NTM: variants seen among roughly 807,000 people sequenced by gnomAD.
The protein encoded by NTM is neurotrimin, also known as IgLON family member 2.
NTM carries 13 observed loss-of-function variants against 42.1 expected under a neutral mutation model. The ratio of observed to expected loss-of-function variants is 0.31; its 90% confidence interval spans 0.20 to 0.49. The LOEUF (loss-of-function observed/expected upper bound fraction) is 0.49, where lower values mean the gene tolerates loss of function less well. Ranked by LOEUF, NTM falls within the 20% of genes least tolerant of loss-of-function variation. NTM has a pLI of 0.99. For synonymous variants in NTM, 187 were observed against 179.2 expected (o/e 1.04, Z -0.35); for missense variants, 373 against 452.8 (o/e 0.82, Z 1.60).
chr11:131,753,417 A>G lies in NTM; in HGVS notation c.83-158147A>G, dbSNP rs553494838. Among the ~76,000 whole-genome samples, 4 of 152,234 alleles carry G rather than the reference A, an allele frequency of 2.6e-5. No homozygotes were observed. In the East Asian group the frequency reaches 7.7e-4, roughly 29 times the overall value. ...TATATAACCAAAAGGACTATAAATC[A>G]TGCTGCTATAAAGACACATGCACAC... On this transcript the variant is annotated intron_variant, in intron 1 of 8. Transcript: ENST00000683400.
At chr11:131,911,771 T>C in intron 2 of NTM, 123 bp downstream of exon 2, 2 of 1,236,112 alleles carry the variant, frequency 1.6e-6, no homozygotes, top group Non-Finnish European at 2.3e-6. Flanking sequence ...TTCCCTGGGC[T>C]GCACAATTTA....
chr11:131,751,478 T>C (rs985872585), intron 1 of NTM, among the ~76,000 whole-genome samples: 7 of 151,708 alleles, frequency 4.6e-5, no homozygotes, highest in Non-Finnish European at 8.8e-5. Context: ...TAGTCCCAGC[T>C]ACTCGGGAGG....
intron 1 of NTM, among the ~76,000 whole-genome samples, chr11:131,686,741 G>A (rs1001188077): frequency 6.6e-6 from 1 of 152,106 alleles, no homozygotes; most frequent in African/African-American, 2.4e-5. Flanking sequence ...CCTGAATACG[G>A]CCATAACGAG....
chr11:131,706,183 C>T (rs1156336095), intron 1 of NTM, among the ~76,000 whole-genome samples: 1 of 151,536 alleles, frequency 6.6e-6, no homozygotes, highest in African/African-American at 2.4e-5. Context: ...ATAGGAGTGG[C>T]TATACTTATA....
chr11:131,457,693 A>T (rs1046687315), intron 1 of NTM, among the ~76,000 whole-genome samples: 1 of 152,050 alleles, frequency 6.6e-6, no homozygotes, highest in Non-Finnish European at 1.5e-5. Context: ...TTGGAATCAT[A>T]TGTGCAATGC....
At chr11:132,038,854 C>T (rs531264777) in intron 2 of NTM, among the ~76,000 whole-genome samples, 4 of 152,330 alleles carry the variant, frequency 2.6e-5, no homozygotes, top group South Asian at 4.1e-4. Flanking sequence ...CTGCACTCAG[C>T]GTCTCCCTCT....
chr11:131,830,115 C>A (rs1468029532), intron 1 of NTM, among the ~76,000 whole-genome samples: 3 of 152,106 alleles, frequency 2.0e-5, no homozygotes, highest in Non-Finnish European at 4.4e-5. Flanking sequence ...AATATTTTCT[C>A]CCAGTCTATA....
At chr11:132,014,401 A>G (rs2135452904) in intron 2 of NTM, among the ~76,000 whole-genome samples, 1 of 152,102 alleles carries the variant, frequency 6.6e-6, no homozygotes, top group Non-Finnish European at 1.5e-5. Context: ...TCCTTTGAAT[A>G]AATACCCAGT....
chr11:132,265,718 T>C (rs1307388102), intron 4 of NTM, among the ~76,000 whole-genome samples: 2 of 152,230 alleles, frequency 1.3e-5, no homozygotes, highest in Admixed American at 1.3e-4. Flanking sequence ...ACCCGTGGCA[T>C]GCAGTCGTTG....
chr11:131,392,390 G>C (rs148290340), intron 1 of NTM, among the ~76,000 whole-genome samples: 2,147 of 149,874 alleles, frequency 0.014, 27 homozygotes, highest in African/African-American at 0.051. Flanking sequence ...TGGGAGTCCT[G>C]TGTGCAACCA....
chr11:132,251,384 GC>G (rs956943758), intron 4 of NTM, among the ~76,000 whole-genome samples: 5 of 152,212 alleles, frequency 3.3e-5, no homozygotes, highest in African/African-American at 1.2e-4. Flanking sequence ...CAGGAAGGAA[GC>G]TTTTGATACT....
At chr11:131,493,304 T>C (rs1209739140) in intron 1 of NTM, among the ~76,000 whole-genome samples, 3 of 151,990 alleles carry the variant, frequency 2.0e-5, no homozygotes, top group African/African-American at 7.3e-5. Flanking sequence ...ATTATTATAA[T>C]GTCCACCGTG....
chr11:131,831,632 AC>A (rs1213802929), intron 1 of NTM, among the ~76,000 whole-genome samples: 3 of 152,110 alleles, frequency 2.0e-5, no homozygotes, highest in Non-Finnish European at 4.4e-5. Flanking sequence ...AAATGTGTAA[AC>A]TTTTTAGATC....
At chr11:131,672,175 G>A (rs1344719009) in intron 1 of NTM, among the ~76,000 whole-genome samples, 1 of 152,224 alleles carries the variant, frequency 6.6e-6, no homozygotes, top group African/African-American at 2.4e-5. Context: ...CCTGCGTGGT[G>A]CTGTCCCTCC....
At position 131,370,892 on chromosome 11, in the gene NTM, A is replaced by G; in HGVS notation, c.82+4A>G. 1.9e-6 allele frequency: 3 copies of G among 1,613,750 alleles called. No homozygotes were observed. Among genetic ancestry groups the G allele is most frequent in the Non-Finnish European group, 2.5e-6 (3 of 1,179,800 alleles). On this transcript the variant is annotated splice_donor_region_variant and intron_variant, in intron 1 of 8. Coordinates refer to ENST00000683400, the MANE Select transcript of NTM (RefSeq NM_001352005.2). ...GCTGCTCTGTGTCTCTTCCAAGGTA[A>G]GAGCTTGCTATTGATTTGCCTTCGG...
intron 1 of NTM, among the ~76,000 whole-genome samples, chr11:131,595,871 C>T (rs183696982): frequency 5.6e-4 from 85 of 152,334 alleles, no homozygotes; most frequent in Admixed American, 5.6e-3. Context: ...TGGTTTACTT[C>T]TGTTGAACAA....
Position 131,942,532 on chromosome 11 carries a change from G to A in NTM, c.167+30884G>A, listed in dbSNP as rs114026622. Among the ~76,000 whole-genome samples, 567 of 152,292 alleles carry A rather than the reference G, an allele frequency of 3.7e-3. 4 individuals are homozygous for A. Among genetic ancestry groups the A allele is most frequent in the African/African-American group, 0.013 (537 of 41,572 alleles). Reference sequence around the variant, plus strand: ...CTCTGGGCCTGGAAGGGGAATGATGGTGGTTTGGTGGACACATAACATTGT... The same window carrying A: ...CTCTGGGCCTGGAAGGGGAATGATGATGGTTTGGTGGACACATAACATTGT... On this transcript the variant is annotated intron_variant, in intron 2 of 8. Coordinates refer to ENST00000683400, the MANE Select transcript of NTM (RefSeq NM_001352005.2).
chr11:131,827,466 T>A (rs1363116355), intron 1 of NTM, among the ~76,000 whole-genome samples: 1 of 152,132 alleles, frequency 6.6e-6, no homozygotes, highest in Admixed American at 6.5e-5. Flanking sequence ...GACAAAGGGA[T>A]GTAAGAGGGG....
intron 1 of NTM, among the ~76,000 whole-genome samples, chr11:131,481,755 C>A (rs764058547): frequency 1.3e-5 from 2 of 152,104 alleles, no homozygotes; most frequent in African/African-American, 4.8e-5. Flanking sequence ...GTTAACAGTA[C>A]AATCTCTGCT....
Sources: allele counts gnomAD v4.1 joint callset (sites outside exome capture counted in the v4.1 genomes callset), GRCh38; gene constraint gnomAD v4.1.1; transcripts MANE v1.5; gene names NCBI Gene and HGNC (gene_info 2026-07-23, HGNC 2026-07-21).